The following GLUL variants were observed in gnomAD, a reference collection of about 807,000 sequenced individuals.
The protein encoded by GLUL is glutamate-ammonia ligase, also known as glutamine synthetase.
In GLUL, 8 loss-of-function variants were observed where a neutral mutation model predicts 36.9. The ratio of observed to expected loss-of-function variants is 0.22; its 90% CI spans 0.13 to 0.39. The LOEUF is 0.39. Ranked by LOEUF, GLUL falls within the 10% of genes least tolerant of loss-of-function variation. GLUL has a pLI of 1.00. For missense variants in GLUL, 315 were observed against 501.8 expected (o/e 0.63, Z 3.56); for synonymous variants, 182 against 172.8 (o/e 1.05, Z -0.42).
At chr1:182,387,880 C>CA (rs1650250995) in intron 2 of GLUL, among the ~76,000 whole-genome samples, 1 of 152,146 alleles carries the variant, frequency 6.6e-6, no homozygotes, top group Non-Finnish European at 1.5e-5. Flanking sequence ...TATCATCTGC[C>CA]ACATAGCAAG....
rs1571398031 is a variant in GLUL at position 182,378,882 on chromosome 1, A to G, written c.*5523T>C. On this transcript the variant is annotated 3_prime_UTR_variant, in exon 7 of 7. Transcript: ENST00000331872. ...AACCTCCGGCTCTTGGGCTCAAGCG[A>G]TTCTCCTGCCTCAGCCTGCCACTCG... Among the ~76,000 whole-genome samples the G allele has an allele frequency of 6.6e-6, 1 of 151,972 alleles. No homozygotes were observed. The highest frequency in any genetic ancestry group is 1.5e-5 in the Non-Finnish European group (1 of 68,008).
At chr1:182,387,830 G>C (rs1650248692) in intron 2 of GLUL, among the ~76,000 whole-genome samples, 1 of 152,210 alleles carries the variant, frequency 6.6e-6, no homozygotes, top group East Asian at 1.9e-4. Context: ...TCTGAAGGCA[G>C]AGACGAGACT....
At chr1:182,390,431 G>T (rs1426098396) in intron 1 of GLUL, 9 of 398,390 alleles carry the variant, frequency 2.3e-5, no homozygotes, top group Non-Finnish European at 3.5e-5. Context: ...AATGGATTCT[G>T]AAGTTTTCAG....
intron 1 of GLUL, chr1:182,390,488 C>A: frequency 2.5e-6 from 1 of 399,064 alleles, no homozygotes; most frequent in South Asian, 1.3e-4. Flanking sequence ...TCCCTGCCCC[C>A]TCACTCACCC....
intron 3 of GLUL, 165 bp downstream of exon 3, chr1:182,386,966 T>C (rs2101934492): frequency 2.9e-6 from 2 of 695,662 alleles, no homozygotes; most frequent in East Asian, 5.4e-5. Context: ...TGGGCCATAT[T>C]ATCTCTTCCT....
rs1240505355 is a variant in GLUL at position 182,382,153 on chromosome 1, T to C, written c.*2252A>G. 1 of 152,196 alleles carries C rather than the reference T, an allele frequency of 6.6e-6. No homozygotes were observed. Among genetic ancestry groups the C allele is most frequent in the Non-Finnish European group, 1.5e-5 (1 of 68,034 alleles). The allele number at this position is 152,196 out of a possible 1,614,324, so 9.4% of individuals were successfully genotyped here. A position where few individuals can be genotyped will look rare whatever the true frequency, so the allele number is the denominator to read the frequency against. The stretch of plus-strand genomic sequence containing the variant: ...ACTATTGCCCACATTATTAGTAGTA[T>C]TAATGCTATTAATAATATTGCACTC... On this transcript the variant is annotated 3_prime_UTR_variant, in exon 7 of 7. Coordinates refer to ENST00000331872, the MANE Select transcript of GLUL (RefSeq NM_001033044.4).
chr1:182,390,232 A>AC (rs1650351644), intron 1 of GLUL: 1 of 134,816 alleles, frequency 7.4e-6, no homozygotes, highest in African/African-American at 6.1e-5. Flanking sequence ...CGGAAAACAA[A>AC]AAAAAAAAAC....
In GLUL at chr1:182,386,275, G is replaced by A. The variant is rs771286038; in HGVS notation, c.456C>T (p.Asn152=). The A allele has an allele frequency of 1.7e-5, 27 of 1,613,472 alleles. No homozygotes were observed. The highest frequency in any genetic ancestry group is 2.2e-5 in the East Asian group (1 of 44,882). ...TDGHPFGWPS[N]GFPGPQGPYY... ...ACTTACCCTGGGGCCCTGGGAAGCC[G>A]TTGGAAGGCCAACCAAAGGGGTGCC... is the stretch of plus-strand genomic sequence containing the variant. The change falls in exon 4 of 7, where the codon AAC becomes AAT. Residue 152 remains asparagine (N), a synonymous_variant. Transcript: ENST00000331872.
In GLUL at chr1:182,386,469, A is replaced by G. The variant is rs185997901; in HGVS notation, c.329-67T>C. The G allele has an allele frequency of 5.4e-4, 623 of 1,150,548 alleles. 6 individuals carry two copies. The Admixed American group carries it at 0.01, about 19-fold the overall frequency. 71.3% of individuals were successfully genotyped at this position (1,150,548 alleles called of 1,614,324 possible). On this transcript the variant is annotated intron_variant, in intron 3 of 6. Coordinates refer to ENST00000331872, the MANE Select transcript of GLUL (RefSeq NM_001033044.4). ...ACATAGATGCTGAATACCGATGCTGATGGGAGAATAGTCCTTGGATTCTAT... is the reference window on the plus strand; with the variant it reads ...ACATAGATGCTGAATACCGATGCTGGTGGGAGAATAGTCCTTGGATTCTAT...
At chr1:182,389,316 TGTG>T (rs1650312321) in intron 1 of GLUL, 1 of 160,102 alleles carries the variant, frequency 6.2e-6, no homozygotes, top group African/African-American at 2.4e-5. Context: ...TCATCCTAGC[TGTG>T]GTCTTAACTC....
In GLUL at chr1:182,379,966, TC is replaced by T. The variant is rs1649869142; in HGVS notation, c.*4438del. The stretch of plus-strand genomic sequence containing the variant: ...TTCAAGCAATTCTCCTGTCTCAGTC[TC>T]CCAAGCAGCTGGGATTACAGGCATG... On this transcript the variant is annotated 3_prime_UTR_variant, in exon 7 of 7. Transcript: ENST00000331872. Among the ~76,000 whole-genome samples, 1 of 151,924 alleles carries T rather than the reference TC, an allele frequency of 6.6e-6. No homozygotes were observed. Among genetic ancestry groups the T allele is most frequent in the African/African-American group, 2.4e-5 (1 of 41,376 alleles).
Position 182,391,784 on chromosome 1 carries a change from C to G in GLUL, c.-119G>C, listed in dbSNP as rs1194932776. 1 of 152,438 alleles carries G rather than the reference C, an allele frequency of 6.6e-6. No homozygotes were observed. The highest frequency in any genetic ancestry group is 2.4e-5 in the African/African-American group (1 of 41,456). The allele number at this position is 152,438 out of a possible 1,614,324, so 9.4% of individuals were successfully genotyped here. A position where few individuals can be genotyped will look rare whatever the true frequency, so the allele number is the denominator to read the frequency against. On this transcript the variant is annotated 5_prime_UTR_variant, in exon 1 of 7. Transcript: ENST00000331872. ...ACACGCTCCGCTCTTCTCCCACTCT[C>G]GACTCTGCAGAGCCGCCAGCAGCCC...
rs943459795 is a variant in GLUL, at chr1:182,379,461, G to T, written c.*4944C>A. On this transcript the variant is annotated 3_prime_UTR_variant, in exon 7 of 7. Coordinates refer to ENST00000331872, the MANE Select transcript of GLUL (RefSeq NM_001033044.4). Reference sequence around the variant, plus strand: ...TGGTCTCGAACTCCTGAACTCAGGTGATCCACCTGCCTTGGCCTCCCAAAG... The same window carrying T: ...TGGTCTCGAACTCCTGAACTCAGGTTATCCACCTGCCTTGGCCTCCCAAAG... Among the ~76,000 whole-genome samples the T allele has an allele frequency of 3.9e-5, 6 of 152,160 alleles. No homozygotes were observed. The highest frequency in any genetic ancestry group is 1.4e-4 in the African/African-American group (6 of 41,518).
rs1236043243 is a variant in GLUL at position 182,380,817 on chromosome 1, G to A, written c.*3588C>T. Among the ~76,000 whole-genome samples, 1 of 152,230 alleles carries A rather than the reference G, an allele frequency of 6.6e-6. No homozygotes were observed. Among genetic ancestry groups the A allele is most frequent in the African/African-American group, 2.4e-5 (1 of 41,454 alleles). On this transcript the variant is annotated 3_prime_UTR_variant, in exon 7 of 7. Transcript: ENST00000331872. ...TGCTTTCATGAAGTTCAACTAGAAAGTCCTGTCGAATGATGAGACATCTTT... is the reference window on the plus strand; with the variant it reads ...TGCTTTCATGAAGTTCAACTAGAAAATCCTGTCGAATGATGAGACATCTTT...
At chr1:182,390,490 C>T (rs1459878357) in intron 1 of GLUL, 2 of 398,944 alleles carry the variant, frequency 5.0e-6, no homozygotes, top group Non-Finnish European at 8.8e-6. Context: ...CCTGCCCCCT[C>T]ACTCACCCCA....
chr1:182,386,451 T>C (rs752484768), intron 3 of GLUL, 49 bp from the exon 4 acceptor site: 1 of 1,336,392 alleles, frequency 7.5e-7, no homozygotes, highest in Non-Finnish European at 1.1e-6. Context: ...AAGACATAGA[T>C]GCTGAATACC....
At chr1:182,386,870 T>C (rs1650204489) in intron 3 of GLUL, 1 of 551,392 alleles carries the variant, frequency 1.8e-6, no homozygotes, top group Non-Finnish European at 3.3e-6. Context: ...GCAGGAAGGC[T>C]GTTACTGGGG....
intron 5 of GLUL, 68 bp from the exon 6 acceptor site, chr1:182,385,624 C>G: frequency 1.3e-6 from 2 of 1,555,360 alleles, no homozygotes; most frequent in Admixed American, 3.3e-5. Context: ...TCTCCTAAAC[C>G]TGTTCTCTTC....
In GLUL at chr1:182,380,960, T is replaced by C. The variant is rs77945978; in HGVS notation, c.*3445A>G. Among the ~76,000 whole-genome samples the C allele has an allele frequency of 2.4e-3, 363 of 152,336 alleles. No individual in the cohort carries two copies. The highest frequency in any genetic ancestry group is 8.2e-3 in the African/African-American group (342 of 41,576). On this transcript the variant is annotated 3_prime_UTR_variant, in exon 7 of 7. Transcript: ENST00000331872. ...AGCAGCACAGATCTGGCTTTTTACA[T>C]GGCCCTAGGCCGGGTGCAGTGGCTC...
Sources: gnomAD v4.1 joint callset for allele counts (sites outside exome capture counted in the v4.1 genomes callset) on GRCh38, gnomAD v4.1.1 for gene constraint, MANE v1.5 for transcripts, NCBI Gene and HGNC (gene_info 2026-07-23, HGNC 2026-07-21) for gene names.